SYN3: variants seen among roughly 807,000 people sequenced by gnomAD.
The protein encoded by SYN3 is synapsin III, also known as synapsin-3.
SYN3 carries 35 observed loss-of-function variants against 65.8 expected under a neutral mutation model. That is an observed-to-expected ratio of 0.53 (90% confidence interval 0.41 to 0.70). The LOEUF is 0.70. Among genes scored for constraint, SYN3 ranks in the 30% least tolerant of loss-of-function variants. SYN3 has a pLI of 0.00. For synonymous variants in SYN3, 270 were observed against 292.9 expected (o/e 0.92, Z 0.80); for missense variants, 680 against 749.0 (o/e 0.91, Z 1.08).
At position 32,967,806 on chromosome 22, in the gene SYN3, G is replaced by A. The variant is rs948206956; in HGVS notation, c.369+12839C>T. 4.6e-5 allele frequency among the ~76,000 whole-genome samples: 7 copies of A among 152,360 alleles called. 1 individual carries two copies. The highest frequency in any genetic ancestry group is 3.9e-4 in the East Asian group (2 of 5,186). ...GGCAGAGGCTGCTGGCAGGGCTGGGGTGAGCCCAGTGGGGGCTCCTCTCAT... is the reference window on the plus strand; with the variant it reads ...GGCAGAGGCTGCTGGCAGGGCTGGGATGAGCCCAGTGGGGGCTCCTCTCAT... On this transcript the variant is annotated intron_variant, in intron 3 of 13. Transcript: ENST00000358763.
intron 5 of SYN3, among the ~76,000 whole-genome samples, chr22:32,867,526 G>C (rs149437830): frequency 3.9e-5 from 6 of 152,330 alleles, no homozygotes; most frequent in African/African-American, 1.4e-4. Context: ...GTGGAGATAA[G>C]TATCTAGGAA....
chr22:32,653,958 C>T (rs1158871953), intron 6 of SYN3, among the ~76,000 whole-genome samples: 1 of 152,182 alleles, frequency 6.6e-6, no homozygotes, highest in African/African-American at 2.4e-5. Context: ...TGAACACGTG[C>T]CACTGCACCA....
chr22:32,702,334 CG>C (rs897926668), intron 6 of SYN3, among the ~76,000 whole-genome samples: 96 of 152,142 alleles, frequency 6.3e-4, no homozygotes, highest in African/African-American at 2.2e-3. Context: ...AAAAATTAGC[CG>C]GGCGTGGTGG....
intron 4 of SYN3, among the ~76,000 whole-genome samples, chr22:32,923,434 C>T (rs910290411): frequency 6.6e-6 from 1 of 152,348 alleles, no homozygotes; most frequent in East Asian, 1.9e-4. Context: ...GTTTTACCAG[C>T]CCTCTGGGTA....
At position 32,921,072 on chromosome 22, in the gene SYN3, G is replaced by C. The variant is rs77252093; in HGVS notation, c.461+10318C>G. On this transcript the variant is annotated intron_variant, in intron 4 of 13. Coordinates refer to ENST00000358763, the MANE Select transcript of SYN3 (RefSeq NM_003490.4). ...TGTTGTCAGATTCTAAATACCTCAC[G>C]TTCCCTTAGCCCCTCACACTCCTCC... Among the ~76,000 whole-genome samples the C allele has an allele frequency of 1.4e-3, 216 of 152,012 alleles. 1 individual carries two copies. Among genetic ancestry groups the C allele is most frequent in the Admixed American group, 3.5e-3 (54 of 15,236 alleles).
At chr22:32,683,774 G>A (rs930389046) in intron 6 of SYN3, among the ~76,000 whole-genome samples, 2 of 152,156 alleles carry the variant, frequency 1.3e-5, no homozygotes, top group Non-Finnish European at 2.9e-5. Flanking sequence ...TAGTGTCCTT[G>A]CAGATGTCAT....
intron 7 of SYN3, among the ~76,000 whole-genome samples, chr22:32,549,082 G>A (rs938587967): frequency 2.0e-5 from 3 of 152,068 alleles, no homozygotes; most frequent in Non-Finnish European, 4.4e-5. Context: ...GACTGCCACC[G>A]GGATGGTGCA....
chr22:32,604,205 G>T (rs904268229), intron 6 of SYN3, among the ~76,000 whole-genome samples: 1 of 152,216 alleles, frequency 6.6e-6, no homozygotes, highest in African/African-American at 2.4e-5. Flanking sequence ...TAAGCGATGG[G>T]AAAATCAAGA....
Position 32,529,065 on chromosome 22 carries a change from G to C in SYN3, c.1096-57C>G, listed in dbSNP as rs2058028546. The C allele has an allele frequency of 9.9e-6, 16 of 1,608,454 alleles. No individual in the cohort carries two copies. The South Asian group carries it at 1.8e-4, about 18-fold the overall frequency. On this transcript the variant is annotated intron_variant, in intron 10 of 13. Transcript: ENST00000358763. Reference sequence around the variant, plus strand: ...CCATGCCAGGAGAGATGGCGGTTGGGCATCACATCCCAGAAGTGGGGGCTC... The same window carrying C: ...CCATGCCAGGAGAGATGGCGGTTGGCCATCACATCCCAGAAGTGGGGGCTC...
intron 6 of SYN3, among the ~76,000 whole-genome samples, chr22:32,612,790 A>G (rs1252319563): frequency 2.0e-5 from 3 of 152,172 alleles, no homozygotes; most frequent in Non-Finnish European, 4.4e-5. Flanking sequence ...TGCAGTGAGC[A>G]GCTGCACCAC....
intron 1 of SYN3, among the ~76,000 whole-genome samples, chr22:33,035,334 C>CA (rs2053835978): frequency 6.4e-5 from 4 of 62,494 alleles, no homozygotes; most frequent in African/African-American, 2.0e-4. Context: ...CTCGGGACCC[C>CA]CCCCCCCCCC....
At chr22:32,681,823 G>T (rs2060526266) in intron 6 of SYN3, among the ~76,000 whole-genome samples, 2 of 152,282 alleles carry the variant, frequency 1.3e-5, no homozygotes, top group East Asian at 3.9e-4. Context: ...ACGATCAATA[G>T]ATAAAACAAG....
chr22:32,562,727 A>G (rs556670897), intron 7 of SYN3, among the ~76,000 whole-genome samples: 4 of 152,392 alleles, frequency 2.6e-5, no homozygotes, highest in Admixed American at 2.0e-4. Context: ...AGACCAAGCC[A>G]AGCAAACAAA....
chr22:32,566,884 T>C (rs933158179), intron 7 of SYN3, among the ~76,000 whole-genome samples: 1 of 152,004 alleles, frequency 6.6e-6, no homozygotes, highest in Non-Finnish European at 1.5e-5. Flanking sequence ...GGTAGCCAAG[T>C]CCTAGAGGCT....
intron 2 of SYN3, among the ~76,000 whole-genome samples, chr22:32,990,248 C>G (rs2052655739): frequency 6.6e-6 from 1 of 152,100 alleles, no homozygotes; most frequent in Non-Finnish European, 1.5e-5. Flanking sequence ...CATTTATTAT[C>G]CATTCATCCA....
At chr22:32,840,645 C>T (rs544457428) in intron 6 of SYN3, among the ~76,000 whole-genome samples, 16 of 152,206 alleles carry the variant, frequency 1.1e-4, no homozygotes, top group African/African-American at 3.9e-4. Context: ...GCCGCCCCCT[C>T]CGCCCCCCAC....
chr22:32,536,856 C>T (rs979707853), intron 9 of SYN3, among the ~76,000 whole-genome samples: 2 of 152,152 alleles, frequency 1.3e-5, no homozygotes, highest in African/African-American at 2.4e-5. Flanking sequence ...TATCTGGAGT[C>T]GTCAGTGACA....
chr22:32,652,260 C>T (rs997961282), intron 6 of SYN3, among the ~76,000 whole-genome samples: 1 of 152,056 alleles, frequency 6.6e-6, no homozygotes, highest in African/African-American at 2.4e-5. Context: ...TCACCATGGC[C>T]CAGGAACAGA....
At chr22:32,742,573 T>C (rs552291292) in intron 6 of SYN3, among the ~76,000 whole-genome samples, 2 of 152,302 alleles carry the variant, frequency 1.3e-5, no homozygotes, top group Non-Finnish European at 2.9e-5. Context: ...AGACATGTTC[T>C]TTCTCACTCT....
Sources: gnomAD v4.1 joint callset for allele counts (sites outside exome capture counted in the v4.1 genomes callset) on GRCh38, gnomAD v4.1.1 for gene constraint, MANE v1.5 for transcripts, NCBI Gene and HGNC (gene_info 2026-07-23, HGNC 2026-07-21) for gene names.